The following GFRA1 variants were observed in gnomAD, a reference collection of about 807,000 sequenced individuals.
The protein encoded by GFRA1 is GDNF family receptor alpha 1.
A neutral mutation model predicts 51.6 loss-of-function variants in GFRA1; 16 were observed. The observed-to-expected ratio is 0.31, with a 90% CI of 0.21 to 0.47. The LOEUF (loss-of-function observed/expected upper bound fraction) is 0.47. Ranked by LOEUF, GFRA1 falls within the 20% of genes least tolerant of loss-of-function variation. GFRA1 has a pLI of 1.00. For synonymous variants in GFRA1, 270 were observed against 241.3 expected, an observed-to-expected ratio of 1.12 and a Z score of -1.10; for missense variants, 530 against 594.3, an observed-to-expected ratio of 0.89 and a Z score of 1.13.
At chr10:116,135,353 T>C (rs1958279045) in intron 5 of GFRA1, among the ~76,000 whole-genome samples, 1 of 152,226 alleles carries the variant, frequency 6.6e-6, no homozygotes, top group African/African-American at 2.4e-5. Flanking sequence ...TAACTTAGCA[T>C]TTAAATCCAC....
Position 116,125,307 on chromosome 10 carries a change from G to A in GFRA1, c.684C>T (p.Thr228=). The change falls in exon 6 of 11, where the codon ACC becomes ACT. Residue 228 remains threonine (T), a synonymous_variant. Coordinates refer to ENST00000355422, the MANE Select transcript of GFRA1 (RefSeq NM_005264.8). ...DIACTERRRQ[T]IVPVCSYEER... is the part of the protein sequence containing the mutation. ...CTTCATAGGAGCACACAGGCACGAT[G>A]GTCTGTCGCCTCCGCTCTGTGCAGG... 6.2e-7 allele frequency: 1 copy of A among 1,614,218 alleles called. No individual in the cohort carries two copies. Among genetic ancestry groups the A allele is most frequent in the Non-Finnish European group, 8.5e-7 (1 of 1,180,030 alleles).
chr10:116,149,574 T>C (rs1958979355), intron 5 of GFRA1, among the ~76,000 whole-genome samples: 1 of 152,202 alleles, frequency 6.6e-6, no homozygotes, highest in African/African-American at 2.4e-5. Flanking sequence ...CTCTCGTTGA[T>C]ACATCATTAC....
chr10:116,112,431 C>A (rs746989946), intron 6 of GFRA1, among the ~76,000 whole-genome samples: 9 of 152,158 alleles, frequency 5.9e-5, no homozygotes, highest in Non-Finnish European at 1.3e-4. Flanking sequence ...GATTACATAT[C>A]AGAAAGAGCA....
intron 5 of GFRA1, among the ~76,000 whole-genome samples, chr10:116,142,691 A>G (rs949323507): frequency 6.6e-6 from 1 of 152,212 alleles, no homozygotes; most frequent in Non-Finnish European, 1.5e-5. Context: ...TAACTGATGT[A>G]TTTTTAAAGA....
chr10:116,257,596 C>T (rs1431965897), intron 4 of GFRA1, among the ~76,000 whole-genome samples: 2 of 152,184 alleles, frequency 1.3e-5, no homozygotes, highest in East Asian at 3.9e-4. Context: ...AGAGGTTACT[C>T]ACCCACAGCA....
At chr10:116,207,226 CA>C (rs1164894556) in intron 5 of GFRA1, among the ~76,000 whole-genome samples, 3 of 152,266 alleles carry the variant, frequency 2.0e-5, no homozygotes, top group Non-Finnish European at 4.4e-5. Flanking sequence ...ACTCCCCCTG[CA>C]AAGGTCGCAA....
intron 5 of GFRA1, among the ~76,000 whole-genome samples, chr10:116,204,846 A>G (rs540145516): frequency 6.6e-6 from 1 of 152,218 alleles, no homozygotes; most frequent in Non-Finnish European, 1.5e-5. Context: ...GCAACCCTCA[A>G]TGAGGTGGAG....
intron 5 of GFRA1, 103 bp from the exon 6 acceptor site, chr10:116,125,660 G>T (rs975838209): frequency 6.6e-6 from 6 of 908,040 alleles, no homozygotes; most frequent in Non-Finnish European, 1.0e-5. Context: ...CATTGCCAGC[G>T]GCTCTAGAAC....
At chr10:116,162,536 T>C (rs1261149820) in intron 5 of GFRA1, among the ~76,000 whole-genome samples, 1 of 152,156 alleles carries the variant, frequency 6.6e-6, no homozygotes, top group Non-Finnish European at 1.5e-5. Context: ...TCCAAAGAGG[T>C]TGGTCTGCGG....
intron 4 of GFRA1, among the ~76,000 whole-genome samples, chr10:116,227,103 C>A (rs567590450): frequency 5.9e-5 from 9 of 152,244 alleles, no homozygotes; most frequent in African/African-American, 1.9e-4. Flanking sequence ...ATGTCCAGGG[C>A]AAGGCAAACA....
At chr10:116,121,671 A>T (rs1222676644) in intron 6 of GFRA1, among the ~76,000 whole-genome samples, 1 of 152,174 alleles carries the variant, frequency 6.6e-6, no homozygotes, top group African/African-American at 2.4e-5. Flanking sequence ...ATGGAAATGG[A>T]GCATTTGAAA....
chr10:116,180,972 C>T (rs1281395491), intron 5 of GFRA1, among the ~76,000 whole-genome samples: 1 of 152,198 alleles, frequency 6.6e-6, no homozygotes, highest in Admixed American at 6.5e-5. Context: ...GAAGCCCAAT[C>T]TTCTCCATCC....
intron 6 of GFRA1, among the ~76,000 whole-genome samples, chr10:116,109,424 T>C (rs2133960129): frequency 6.6e-6 from 1 of 152,316 alleles, no homozygotes; most frequent in South Asian, 2.1e-4. Context: ...GCATTCTTTT[T>C]GGTTAATAGC....
chr10:116,247,784 A>G (rs989440359), intron 4 of GFRA1, among the ~76,000 whole-genome samples: 3 of 152,088 alleles, frequency 2.0e-5, no homozygotes, highest in African/African-American at 7.2e-5. Context: ...TACCTTCATT[A>G]TATATTCATG....
chr10:116,148,638 C>T (rs1316324609), intron 5 of GFRA1, among the ~76,000 whole-genome samples: 3 of 152,154 alleles, frequency 2.0e-5, no homozygotes, highest in Non-Finnish European at 4.4e-5. Flanking sequence ...AGGACTCCCA[C>T]GCTCAAAAGA....
intron 3 of GFRA1, among the ~76,000 whole-genome samples, 159 bp from the exon 4 acceptor site, chr10:116,269,745 C>G (rs35091575): frequency 5.0e-4 from 76 of 152,208 alleles, no homozygotes; most frequent in Non-Finnish European, 1.0e-3. Flanking sequence ...ATGGTTATTT[C>G]TTTTCATTCC....
intron 9 of GFRA1, among the ~76,000 whole-genome samples, chr10:116,078,771 A>G (rs1462847930): frequency 6.6e-6 from 1 of 152,196 alleles, no homozygotes; most frequent in Non-Finnish European, 1.5e-5. Context: ...AAAACGTCAC[A>G]AAGACCATAA....
intron 8 of GFRA1, among the ~76,000 whole-genome samples, chr10:116,091,556 G>T (rs1183919670): frequency 6.6e-6 from 1 of 152,144 alleles, no homozygotes; most frequent in Admixed American, 6.6e-5. Flanking sequence ...CATCCCATTT[G>T]TCTCTTCCCC....
At chr10:116,270,422 G>C (rs1487192601) in intron 3 of GFRA1, among the ~76,000 whole-genome samples, 3 of 152,152 alleles carry the variant, frequency 2.0e-5, no homozygotes, top group Admixed American at 6.6e-5. Flanking sequence ...ACAAGACAGG[G>C]GGAGTCCAGA....
Sources: gnomAD v4.1 joint callset for allele counts (sites outside exome capture counted in the v4.1 genomes callset) on GRCh38, gnomAD v4.1.1 for gene constraint, MANE v1.5 for transcripts, NCBI Gene and HGNC (gene_info 2026-07-23, HGNC 2026-07-21) for gene names.